The following SLC35D2 variants were observed in gnomAD, a reference collection of about 807,000 sequenced individuals.
The protein encoded by SLC35D2 is nucleotide sugar transporter SLC35D2.
A neutral mutation model predicts 41.8 loss-of-function variants in SLC35D2; 43 were observed. That is an observed-to-expected ratio of 1.03 (90% CI 0.81 to 1.33). SLC35D2 has a LOEUF of 1.33. Ranked by LOEUF, SLC35D2 falls within the 40% of genes most tolerant of loss-of-function variation. SLC35D2 has a pLI of 0.00. For missense variants in SLC35D2, 380 were observed against 408.4 expected (o/e 0.93, Z 0.60); for synonymous variants, 150 against 163.9 (o/e 0.92, Z 0.65).
intron 4 of SLC35D2, among the ~76,000 whole-genome samples, chr9:96,358,140 G>A (rs1830118227): frequency 7.2e-6 from 1 of 138,436 alleles, no homozygotes; most frequent in Non-Finnish European, 1.5e-5. Flanking sequence ...GCCTGAAAAA[G>A]GAATTAAATT....
intron 9 of SLC35D2, among the ~76,000 whole-genome samples, chr9:96,331,785 T>A (rs7856565): frequency 0.98 from 149,723 of 152,326 alleles, 73,601 homozygotes; most frequent in East Asian, 1. Flanking sequence ...AGCAAGCATG[T>A]CCGCCTGAGC....
rs556833287 is a variant in SLC35D2, at chr9:96,342,025, C to CA, written c.684+1878dup. ...TTAAAAAAACAAAACAAAACAAAAA[C>CA]AAAAAAAAACCCTCGTTTCTATAAT... On this transcript the variant is annotated intron_variant, in intron 8 of 11. Coordinates refer to ENST00000253270, the MANE Select transcript of SLC35D2 (RefSeq NM_007001.3). Among the ~76,000 whole-genome samples, 330 of 149,210 alleles carry CA rather than the reference C, an allele frequency of 2.2e-3. 2 individuals are homozygous for CA. The highest frequency in any genetic ancestry group is 6.3e-3 in the Admixed American group (94 of 14,996).
rs566525197 is a variant in SLC35D2, at chr9:96,340,356, C to T, written c.684+3548G>A. On this transcript the variant is annotated intron_variant, in intron 8 of 11. Coordinates refer to ENST00000253270, the MANE Select transcript of SLC35D2 (RefSeq NM_007001.3). Reference sequence around the variant, plus strand: ...AAACTTGGCTGGGCGCAGTGGCTCACGTCTGTAATTCTAGCATTTTGGAAG... The same window carrying T: ...AAACTTGGCTGGGCGCAGTGGCTCATGTCTGTAATTCTAGCATTTTGGAAG... Among the ~76,000 whole-genome samples the T allele has an allele frequency of 7.9e-5, 12 of 152,054 alleles. No homozygotes were observed. The South Asian group carries it at 1.5e-3, about 18-fold the overall frequency.
rs1174318877 is a variant in SLC35D2, at chr9:96,322,009, C to A, written c.903G>T (p.Gly301=). ...AAATTCCCACTCACCAAATATTTAA[C>A]CCTACAAAGTTTAACAAAGAGAAAA... ...DYIFSLLNFV[G]LNICMAGGLR... The change falls in exon 11 of 12, where the codon GGG becomes GGT. Residue 301 remains glycine, a synonymous_variant. Coordinates refer to ENST00000253270, the MANE Select transcript of SLC35D2 (RefSeq NM_007001.3). 3 of 1,590,884 alleles carry A rather than the reference C, an allele frequency of 1.9e-6. No homozygotes were observed. The highest frequency in any genetic ancestry group is 2.6e-6 in the Non-Finnish European group (3 of 1,160,068).
intron 1 of SLC35D2, among the ~76,000 whole-genome samples, chr9:96,373,618 C>A (rs553336365): frequency 6.7e-6 from 1 of 148,908 alleles, no homozygotes; most frequent in African/African-American, 2.5e-5. Flanking sequence ...ACCTGGTAAG[C>A]GGAGGTTGCA....
At chr9:96,378,539 A>G (rs913847345) in intron 1 of SLC35D2, among the ~76,000 whole-genome samples, 1 of 152,212 alleles carries the variant, frequency 6.6e-6, no homozygotes, top group Admixed American at 6.5e-5. Context: ...GTAAAGTTAG[A>G]TATTTTTATT....
intron 6 of SLC35D2, among the ~76,000 whole-genome samples, chr9:96,349,361 G>C (rs1829714996): frequency 1.3e-5 from 2 of 151,966 alleles, no homozygotes; most frequent in Admixed American, 6.6e-5. Context: ...CATCATTTCT[G>C]AACTCCCAAA....
At position 96,383,570 on chromosome 9, in the gene SLC35D2, G is replaced by A. The variant is rs750660264; in HGVS notation, c.65C>T (p.Pro22Leu). ...CGACAGCAGCCGGGCCACCCGCGAG[G>A]GCAGCCGCGCCGCGCCGGGCTCCCC... ...AGGEPGAARLPSRVARLLSAL... is the reference protein window; with the variant it reads ...AGGEPGAARLLSRVARLLSAL... Residue 22 changes from proline to leucine, a missense_variant, in exon 1 of 12, where the codon CCC becomes CTC. By Grantham distance (98) the Pro-to-Leu change is moderately conservative (BLOSUM62 -3). Coordinates refer to ENST00000253270, the MANE Select transcript of SLC35D2 (RefSeq NM_007001.3). 2 of 1,483,854 alleles carry A rather than the reference G, an allele frequency of 1.3e-6. No homozygotes were observed. The highest frequency in any genetic ancestry group is 1.3e-5 in the South Asian group (1 of 78,872). 91.9% of individuals were successfully genotyped at this position (1,483,854 alleles called of 1,614,324 possible).
rs544248331 is a variant in SLC35D2, at chr9:96,345,180, T to G, written c.591+119A>C. On this transcript the variant is annotated intron_variant, in intron 7 of 11. Transcript: ENST00000253270. Reference sequence around the variant, plus strand: ...AGACAAGATAATTGAAAATAAGGAATTTACAGGTCATATTATATAAATTAA... The same window carrying G: ...AGACAAGATAATTGAAAATAAGGAAGTTACAGGTCATATTATATAAATTAA... The G allele has an allele frequency of 5.2e-4, 299 of 576,438 alleles. 1 individual carries two copies. Among genetic ancestry groups the G allele is most frequent in the Middle Eastern group, 3.5e-4 (1 of 2,874 alleles). The allele number at this position is 576,438 out of a possible 1,614,324, so 35.7% of individuals were successfully genotyped here. A position where few individuals can be genotyped will look rare whatever the true frequency, so the allele number is the denominator to read the frequency against.
chr9:96,349,567 C>G (rs2130928106), intron 6 of SLC35D2, among the ~76,000 whole-genome samples: 1 of 151,920 alleles, frequency 6.6e-6, no homozygotes, highest in Admixed American at 6.6e-5. Context: ...ACTCTGTCGT[C>G]CAGGCTGGAG....
chr9:96,358,582 C>A (rs1033090777), intron 4 of SLC35D2, among the ~76,000 whole-genome samples: 1 of 152,262 alleles, frequency 6.6e-6, no homozygotes, highest in Middle Eastern at 3.4e-3. Context: ...CAAAAAACAA[C>A]CCTTCCTGGT....
At chr9:96,316,839 A>T (rs1828064662), downstream of SLC35D2, among the ~76,000 whole-genome samples, 2 of 151,510 alleles carry the variant, frequency 1.3e-5, no homozygotes, top group Non-Finnish European at 1.5e-5. Flanking sequence ...CTTTATATAT[A>T]TATAAAGTAT....
intron 11 of SLC35D2, among the ~76,000 whole-genome samples, chr9:96,321,613 TTAA>T (rs1208160612): frequency 6.6e-6 from 1 of 152,186 alleles, no homozygotes; most frequent in Non-Finnish European, 1.5e-5. Flanking sequence ...ACCCTTAGCC[TTAA>T]ATAGTATCCC....
rs2131002881 is a variant in SLC35D2 at position 96,368,187 on chromosome 9, C to T, written c.192+85G>A. On this transcript the variant is annotated intron_variant, in intron 2 of 11. Coordinates refer to ENST00000253270, the MANE Select transcript of SLC35D2 (RefSeq NM_007001.3). Reference sequence around the variant, plus strand: ...TCTGCCAGCTGAATAAATTTGCAAACCACAGCTTTAAACAAAAGGACTTAA... The same window carrying T: ...TCTGCCAGCTGAATAAATTTGCAAATCACAGCTTTAAACAAAAGGACTTAA... The T allele has an allele frequency of 4.5e-6, 5 of 1,123,482 alleles. No individual in the cohort carries two copies. The South Asian group carries it at 6.0e-5, about 14-fold the overall frequency. The allele number at this position is 1,123,482 out of a possible 1,614,324, so 69.6% of individuals were successfully genotyped here.
intron 3 of SLC35D2, among the ~76,000 whole-genome samples, chr9:96,360,710 A>G (rs1830236194): frequency 6.6e-6 from 1 of 151,190 alleles, no homozygotes; most frequent in Non-Finnish European, 1.5e-5. Flanking sequence ...AGCCCATAAG[A>G]TGTCACGACA....
At chr9:96,358,078 T>TAATATATATATA (rs1491320526) in intron 4 of SLC35D2, among the ~76,000 whole-genome samples, 3 of 79,250 alleles carry the variant, frequency 3.8e-5, no homozygotes, top group Non-Finnish European at 4.9e-5. Flanking sequence ...ATATTATATA[T>TAATATATATATA]TTTATATATA....
At chr9:96,374,330 T>C (rs952968376) in intron 1 of SLC35D2, among the ~76,000 whole-genome samples, 1 of 151,970 alleles carries the variant, frequency 6.6e-6, no homozygotes, top group South Asian at 2.1e-4. Context: ...GGTCAAGAGA[T>C]AGAGACTATC....
At chr9:96,380,171 A>G (rs899490422) in intron 1 of SLC35D2, among the ~76,000 whole-genome samples, 4 of 152,162 alleles carry the variant, frequency 2.6e-5, no homozygotes, top group African/African-American at 9.7e-5. Flanking sequence ...TGCTGGGAGT[A>G]TAGGCGTGAG....
At position 96,321,120 on chromosome 9, in the gene SLC35D2, G is replaced by A. The variant is rs1828198601; in HGVS notation, c.*122C>T. 6 of 686,682 alleles carry A rather than the reference G, an allele frequency of 8.7e-6. No homozygotes were observed. Among genetic ancestry groups the A allele is most frequent in the Non-Finnish European group, 1.5e-5 (6 of 396,154 alleles). 42.5% of individuals were successfully genotyped at this position (686,682 alleles called of 1,614,324 possible). A position where few individuals can be genotyped will look rare whatever the true frequency, so the allele number is the denominator to read the frequency against. ...GAGGTAGTTCTCTTTGCATTTTGCA[G>A]ATGCTCTCACTTGCCCAGGGGGTGG... On this transcript the variant is annotated 3_prime_UTR_variant, in exon 12 of 12. Transcript: ENST00000253270.
Sources: allele counts gnomAD v4.1 joint callset (sites outside exome capture counted in the v4.1 genomes callset), GRCh38; gene constraint gnomAD v4.1.1; transcripts MANE v1.5; gene names NCBI Gene and HGNC (gene_info 2026-07-23, HGNC 2026-07-21).